ATP13A4: variants seen among roughly 807,000 people sequenced by gnomAD.
ATP13A4 encodes the protein probable cation-transporting ATPase 13A4.
A neutral mutation model predicts 142.5 loss-of-function variants in ATP13A4; 114 were observed. The ratio of observed to expected loss-of-function variants is 0.80; its 90% confidence interval spans 0.69 to 0.93. The LOEUF is 0.93. Among genes scored for constraint, ATP13A4 ranks in the 40% least tolerant of loss-of-function variants. ATP13A4 has a pLI of 0.00. For synonymous variants in ATP13A4, 488 were observed against 514.8 expected, an observed-to-expected ratio of 0.95 and a Z score of 0.70; for missense variants, 1,392 against 1,454.0, an observed-to-expected ratio of 0.96 and a Z score of 0.69.
rs145548533 is a variant in ATP13A4 at position 193,501,375 on chromosome 3, G to A, written c.381+1118C>T. On this transcript the variant is annotated intron_variant, in intron 3 of 29. Transcript: ENST00000342695. ...GGCTGAGGTTGGTGGATCACCTGAGGTCAGGAGTTCAAGACCAGCCTGGCC... is the reference window on the plus strand; with the variant it reads ...GGCTGAGGTTGGTGGATCACCTGAGATCAGGAGTTCAAGACCAGCCTGGCC... Among the ~76,000 whole-genome samples the A allele has an allele frequency of 6.5e-4, 99 of 152,136 alleles. 1 individual carries two copies. The highest frequency in any genetic ancestry group is 2.2e-3 in the African/African-American group (92 of 41,498).
intron 8 of ATP13A4, among the ~76,000 whole-genome samples, chr3:193,473,756 G>A (rs1449616796): frequency 1.3e-5 from 2 of 152,042 alleles, no homozygotes; most frequent in African/African-American, 2.4e-5. Context: ...TAACCATGAG[G>A]CAACATCAGA....
chr3:193,591,828 CTTATT>C (rs1724802470), intron 1 of ATP13A4, among the ~76,000 whole-genome samples: 1 of 151,962 alleles, frequency 6.6e-6, no homozygotes, highest in African/African-American at 2.4e-5. Flanking sequence ...CTTGGTTTCT[CTTATT>C]TTATTTTCTA....
intron 3 of ATP13A4, among the ~76,000 whole-genome samples, chr3:193,500,020 C>A (rs1272984984): frequency 2.0e-5 from 3 of 152,146 alleles, no homozygotes; most frequent in Non-Finnish European, 4.4e-5. Flanking sequence ...ATTTGAGATT[C>A]CCGCAGGAGA....
intron 7 of ATP13A4, 72 bp downstream of exon 7, chr3:193,489,658 C>G (rs559931143): frequency 6.6e-7 from 1 of 1,512,650 alleles, no homozygotes; most frequent in African/African-American, 1.4e-5. Flanking sequence ...CCTGATTCTC[C>G]TTTCTAACAA....
rs1255828715 is a variant in ATP13A4 at position 193,514,793 on chromosome 3, G to C, written c.139C>G (p.Pro47Ala). The C allele has an allele frequency of 6.2e-7, 1 of 1,614,048 alleles. No individual in the cohort carries two copies. Among genetic ancestry groups the C allele is most frequent in the African/African-American group, 1.3e-5 (1 of 74,918 alleles). ...GCTGGTCTCCAGTAAAACACCAAGG[G>C]GAGGATTCCAAATGAGAAGATGGAT... ...AGSIFSFGIL[P>A]LVFYWRPAWH... Residue 47 changes from proline (P) to alanine (A), a missense_variant, in exon 2 of 30, where the codon CCC becomes GCC. By Grantham distance (27) the Pro-to-Ala change is conservative. Transcript: ENST00000342695.
At chr3:193,461,514 C>T (rs966536248) in intron 13 of ATP13A4, among the ~76,000 whole-genome samples, 20 of 152,194 alleles carry the variant, frequency 1.3e-4, no homozygotes, top group African/African-American at 4.8e-4. Flanking sequence ...TTTCAGAGGC[C>T]TCTTCTGTAC....
At position 193,471,126 on chromosome 3, in the gene ATP13A4, C is replaced by T. The variant is rs1718598708; in HGVS notation, c.809-133G>A. 5 of 1,190,562 alleles carry T rather than the reference C, an allele frequency of 4.2e-6. No individual in the cohort carries two copies. In the African/African-American group the frequency reaches 7.7e-5, roughly 18 times the overall value. The allele number at this position is 1,190,562 out of a possible 1,614,324, so 73.7% of individuals were successfully genotyped here. A position where few individuals can be genotyped will look rare whatever the true frequency, so the allele number is the denominator to read the frequency against. ...TTTTAGAAAGGAGAACATTCCTCAA[C>T]ATTGATTCAAAATTTGAAAACAAAA... On this transcript the variant is annotated intron_variant, in intron 8 of 29. Transcript: ENST00000342695.
At chr3:193,566,720 A>G (rs543746308) in intron 2 of ATP13A4, among the ~76,000 whole-genome samples, 41 of 152,238 alleles carry the variant, frequency 2.7e-4, no homozygotes, top group African/African-American at 9.9e-4. Context: ...TCTTGCTAAC[A>G]TCTTCAGTCC....
At chr3:193,551,216 A>T (rs2108728473) in intron 1 of ATP13A4, among the ~76,000 whole-genome samples, 1 of 152,322 alleles carries the variant, frequency 6.6e-6, no homozygotes, top group Admixed American at 6.5e-5. Context: ...GATTAAGACC[A>T]TCCTGGCCAA....
intron 2 of ATP13A4, among the ~76,000 whole-genome samples, chr3:193,581,007 T>C (rs1026598059): frequency 6.6e-6 from 1 of 152,236 alleles, no homozygotes; most frequent in Non-Finnish European, 1.5e-5. Flanking sequence ...AAATGCTTCA[T>C]TACTATCAAT....
chr3:193,520,238 C>A (rs930510054), intron 1 of ATP13A4, among the ~76,000 whole-genome samples: 1 of 152,092 alleles, frequency 6.6e-6, no homozygotes, highest in African/African-American at 2.4e-5. Context: ...AGTTAATAAA[C>A]CCGTACTCTC....
At chr3:193,515,913 G>A (rs1006441103) in intron 1 of ATP13A4, among the ~76,000 whole-genome samples, 6 of 152,194 alleles carry the variant, frequency 3.9e-5, no homozygotes, top group African/African-American at 7.2e-5. Flanking sequence ...CTTACTGGGC[G>A]TGTGATTTTT....
chr3:193,442,259 A>G (rs1218630790), intron 19 of ATP13A4, 134 bp downstream of exon 19: 7 of 918,350 alleles, frequency 7.6e-6, no homozygotes, highest in East Asian at 5.3e-5. Context: ...GGAAAAACCA[A>G]TGTAACTGAG....
chr3:193,512,701 T>C (rs376501613), intron 2 of ATP13A4, among the ~76,000 whole-genome samples: 3 of 152,126 alleles, frequency 2.0e-5, no homozygotes, highest in African/African-American at 7.2e-5. Context: ...CTGATGCCAG[T>C]TGAAGTGTGT....
At chr3:193,570,731 A>T (rs1341610300) in intron 2 of ATP13A4, among the ~76,000 whole-genome samples, 5 of 152,200 alleles carry the variant, frequency 3.3e-5, no homozygotes, top group Admixed American at 1.3e-4. Flanking sequence ...CTGAATTCTC[A>T]CAGACCAGAG....
chr3:193,448,074 T>G, intron 18 of ATP13A4, 132 bp downstream of exon 18: 1 of 1,222,278 alleles, frequency 8.2e-7, no homozygotes, highest in Non-Finnish European at 1.2e-6. Flanking sequence ...TGTGCCTTTT[T>G]GTTGCCCATC....
intron 18 of ATP13A4, among the ~76,000 whole-genome samples, chr3:193,446,527 G>A (rs112961775): frequency 2.4e-4 from 36 of 152,246 alleles, no homozygotes; most frequent in South Asian, 2.1e-4. Flanking sequence ...ATAGAGTTGA[G>A]TCCATTAAGT....
rs753711731 is a variant in ATP13A4, at chr3:193,414,715, A to G, written c.2878T>C (p.Phe960Leu). The change falls in exon 26 of 30, where the codon TTC (phenylalanine) becomes CTC (leucine). Residue 960 changes from phenylalanine to leucine, a missense_variant. By Grantham distance (22) the Phe-to-Leu change is conservative. Coordinates refer to ENST00000342695, the MANE Select transcript of ATP13A4 (RefSeq NM_032279.4). ...GAGATCAGCCGTCCTGCAGGTCTGA[A>G]AGGCACCAGCTTAGGGTAGGCACCA... The part of the protein sequence containing the change: ...LNGAYPKLVP[F>L]RPAGRLISPP... 2.7e-5 allele frequency: 44 copies of G among 1,614,140 alleles called. No individual in the cohort carries two copies. Among genetic ancestry groups the G allele is most frequent in the Non-Finnish European group, 1.7e-6 (2 of 1,180,010 alleles).
At chr3:193,403,356 A>G (rs1355402796) in intron 29 of ATP13A4, among the ~76,000 whole-genome samples, 1 of 152,146 alleles carries the variant, frequency 6.6e-6, no homozygotes, top group Admixed American at 6.5e-5. Context: ...CCAGTCTTGG[A>G]GTTGAACAGA....
Sources: gnomAD v4.1 joint callset for allele counts (sites outside exome capture counted in the v4.1 genomes callset) on GRCh38, gnomAD v4.1.1 for gene constraint, MANE v1.5 for transcripts, NCBI Gene and HGNC (gene_info 2026-07-23, HGNC 2026-07-21) for gene names.